TNFRSF8: variants seen among roughly 807,000 people sequenced by gnomAD.
The protein encoded by TNFRSF8 is TNF receptor superfamily member 8, also known as tumor necrosis factor receptor superfamily member 8.
In TNFRSF8, 26 loss-of-function variants were observed where a neutral mutation model predicts 70.8. The ratio of observed to expected loss-of-function variants is 0.37; its 90% CI spans 0.27 to 0.51. TNFRSF8 has a LOEUF of 0.51. Among genes scored for constraint, TNFRSF8 ranks in the 20% least tolerant of loss-of-function variants. The pLI is 0.94. For missense variants in TNFRSF8, 720 were observed against 807.9 expected (o/e 0.89, Z 1.32); for synonymous variants, 356 against 339.2 (o/e 1.05, Z -0.54).
intron 10 of TNFRSF8, among the ~76,000 whole-genome samples, chr1:12,124,161 C>T (rs1411175641): frequency 1.3e-5 from 2 of 152,070 alleles, no homozygotes; most frequent in South Asian, 2.1e-4. Flanking sequence ...CTTGCCACCA[C>T]GCCTGGCTAA....
chr1:12,109,652 T>C lies in TNFRSF8; in HGVS notation c.508T>C (p.Ser170Pro). The change falls in exon 5 of 15, where the codon TCC (serine) becomes CCC (proline). Residue 170 changes from serine to proline, a missense_variant. By Grantham distance (74) the Ser-to-Pro change is moderately conservative. Coordinates refer to ENST00000263932, the MANE Select transcript of TNFRSF8 (RefSeq NM_001243.5). This position sits in a 1 kb window ranked among gnomAD's most constrained non-coding sequence, Gnocchi z 4.4. ...CASPENCKEP[S>P]SGTIPQAKPT... The stretch of plus-strand genomic sequence containing the variant: ...CAGCCCAGAGAACTGCAAGGAACCC[T>C]CCAGGTGACTCCCTGGCTTTGCCTC... 6.2e-7 allele frequency: 1 copy of C among 1,613,200 alleles called. No individual in the cohort carries two copies. Among genetic ancestry groups the C allele is most frequent in the Non-Finnish European group, 8.5e-7 (1 of 1,179,616 alleles).
chr1:12,096,472 T>C (rs1641333136), intron 2 of TNFRSF8, among the ~76,000 whole-genome samples: 1 of 151,890 alleles, frequency 6.6e-6, no homozygotes, highest in Non-Finnish European at 1.5e-5. Flanking sequence ...TCATAATGTT[T>C]TAAGAAAGTT....
rs945524911 is a variant in TNFRSF8, at chr1:12,112,413, A to C, written c.793+399A>C. On this transcript the variant is annotated intron_variant, in intron 7 of 14. Transcript: ENST00000263932. This position sits in a 1 kb window ranked among gnomAD's most constrained non-coding sequence, Gnocchi z 5.3. ...TATTCTTTTTTTTTTTTTCCCAGAC[A>C]GGGTCTCACTCCTTCACCCAAGCTG... Among the ~76,000 whole-genome samples, 1 of 150,112 alleles carries C rather than the reference A, an allele frequency of 6.7e-6. No homozygotes were observed. Among genetic ancestry groups the C allele is most frequent in the African/African-American group, 2.5e-5 (1 of 40,660 alleles).
chr1:12,140,633 G>A (rs540512427), intron 14 of TNFRSF8, among the ~76,000 whole-genome samples: 65 of 152,238 alleles, frequency 4.3e-4, no homozygotes, highest in Non-Finnish European at 7.4e-4. Context: ...TTTCACTTCC[G>A]AGCTCAGTGG....
chr1:12,065,078 CTTTTTTTTTT>C (rs773549918), intron 1 of TNFRSF8, among the ~76,000 whole-genome samples: 1 of 88,262 alleles, frequency 1.1e-5, no homozygotes, highest in African/African-American at 5.1e-5. Context: ...CATACCAAAC[CTTTTTTTTTT>C]TTTTTTTTTT....
intron 3 of TNFRSF8, among the ~76,000 whole-genome samples, chr1:12,098,780 T>C (rs558875301): frequency 5.6e-4 from 85 of 152,328 alleles, no homozygotes; most frequent in African/African-American, 2.0e-3. Context: ...AGGCAAAATC[T>C]GCTTAGTTTG....
At position 12,144,004 on chromosome 1, in the gene TNFRSF8, A is replaced by G. The variant is rs2101057915; in HGVS notation, c.*1473A>G. 6.6e-6 allele frequency: 1 copy of G among 152,352 alleles called. No individual in the cohort carries two copies. Among genetic ancestry groups the G allele is most frequent in the South Asian group, 2.1e-4 (1 of 4,830 alleles). The allele number at this position is 152,352 out of a possible 1,614,324, so 9.4% of individuals were successfully genotyped here. A position where few individuals can be genotyped will look rare whatever the true frequency, so the allele number is the denominator to read the frequency against. ...GACACTGTTTGCCCAGTGTTTGTGC[A>G]AGGATGGAGTGGGTGTCTCTGCATC... On this transcript the variant is annotated 3_prime_UTR_variant, in exon 15 of 15. Transcript: ENST00000263932.
At chr1:12,123,437 G>C in intron 9 of TNFRSF8, 60 bp downstream of exon 9, 1 of 1,477,344 alleles carries the variant, frequency 6.8e-7, no homozygotes, top group South Asian at 1.2e-5. Context: ...TCCCTGCCAT[G>C]CCCAGGGGAT....
chr1:12,142,834 C>T lies in TNFRSF8; in HGVS notation c.*303C>T, dbSNP rs926917329. ...AAACAGATGGCAGGATGGGCACTGC[C>T]GAGAACAGCATTGGTCCCAGAGCCC... On this transcript the variant is annotated 3_prime_UTR_variant, in exon 15 of 15. Transcript: ENST00000263932. The surrounding 1 kb of genome is among the most constrained non-coding windows in gnomAD (Gnocchi z 5.0). 5.6e-5 allele frequency: 20 copies of T among 359,914 alleles called. No individual in the cohort carries two copies. Among genetic ancestry groups the T allele is most frequent in the Admixed American group, 1.7e-4 (4 of 23,628 alleles). The allele number at this position is 359,914 out of a possible 1,614,324, so 22.3% of individuals were successfully genotyped here.
intron 14 of TNFRSF8, among the ~76,000 whole-genome samples, chr1:12,140,102 C>T (rs999297747): frequency 6.6e-6 from 1 of 152,218 alleles, no homozygotes; most frequent in Admixed American, 6.5e-5. Flanking sequence ...CCTGGAATCC[C>T]AGGGGTGGGG....
At chr1:12,086,897 C>G (rs138183807) in intron 2 of TNFRSF8, among the ~76,000 whole-genome samples, 177 of 152,168 alleles carry the variant, frequency 1.2e-3, no homozygotes, top group African/African-American at 4.0e-3. Flanking sequence ...AAAGTCCTAT[C>G]TCCAAATACA....
intron 1 of TNFRSF8, among the ~76,000 whole-genome samples, chr1:12,067,607 T>C (rs1311571538): frequency 6.6e-6 from 1 of 151,816 alleles, no homozygotes; most frequent in Non-Finnish European, 1.5e-5. Flanking sequence ...GAGAATCGCT[T>C]GAAACCAGAA....
chr1:12,069,963 C>T (rs1640813399), intron 1 of TNFRSF8, among the ~76,000 whole-genome samples: 1 of 152,066 alleles, frequency 6.6e-6, no homozygotes. Flanking sequence ...GGGGTAAAAG[C>T]CCCAAGAGGC....
intron 8 of TNFRSF8, among the ~76,000 whole-genome samples, chr1:12,118,787 T>G (rs1641779433): frequency 6.6e-6 from 1 of 152,220 alleles, no homozygotes; most frequent in Non-Finnish European, 1.5e-5. Context: ...CAGTTAAGCC[T>G]TGCCAGCAGA....
chr1:12,125,976 G>C lies in TNFRSF8; in HGVS notation c.1179G>C (p.Leu393=), dbSNP rs376461041. ...DAGPVLFWVI[L]VLVVVVGSSA... ...GGCCAGTGCTCTTCTGGGTGATCCT[G>C]GTGTTGGTTGTGGTGGTCGGCTCCA... Residue 393 remains leucine, a synonymous_variant, in exon 11 of 15, where the codon CTG becomes CTC. Transcript: ENST00000263932. 1.2e-5 allele frequency: 19 copies of C among 1,614,072 alleles called. No homozygotes were observed. Among genetic ancestry groups the C allele is most frequent in the Admixed American group, 1.0e-4 (6 of 60,004 alleles).
chr1:12,070,816 G>T (rs1640828810), intron 1 of TNFRSF8, among the ~76,000 whole-genome samples: 1 of 152,154 alleles, frequency 6.6e-6, no homozygotes. Flanking sequence ...GTTCTATTTT[G>T]CCCATGCTCA....
intron 1 of TNFRSF8, among the ~76,000 whole-genome samples, chr1:12,064,869 C>G (rs1160779518): frequency 6.6e-6 from 1 of 152,038 alleles, no homozygotes; most frequent in African/African-American, 2.4e-5. Context: ...TTTGGAGTGC[C>G]AAGGTCTTGG....
Position 12,142,412 on chromosome 1 carries a change from A to AC in TNFRSF8, c.1675dup (p.His559ProfsTer46). ...GGAGGAGGAGCTGGAGGCGGACCAT[A>AC]CCCCCCACTACCCCGAGCAGGAGAC... On this transcript the variant is annotated frameshift_variant, in exon 15 of 15. Transcript: ENST00000263932. LOFTEE classifies it high-confidence loss of function. The surrounding 1 kb of genome is among the most constrained non-coding windows in gnomAD (Gnocchi z 5.0). The AC allele has an allele frequency of 1.2e-6, 2 of 1,610,466 alleles. No individual in the cohort carries two copies. The highest frequency in any genetic ancestry group is 1.7e-6 in the Non-Finnish European group (2 of 1,178,760).
At chr1:12,090,667 T>C (rs767503789) in intron 2 of TNFRSF8, among the ~76,000 whole-genome samples, 7 of 151,218 alleles carry the variant, frequency 4.6e-5, no homozygotes, top group Non-Finnish European at 1.0e-4. Context: ...TGTATTTGCA[T>C]TCTATCAGAC....
Sources: allele counts gnomAD v4.1 joint callset (sites outside exome capture counted in the v4.1 genomes callset), GRCh38; gene constraint gnomAD v4.1.1; non-coding constraint Gnocchi (gnomAD v3.1); transcripts MANE v1.5; gene names NCBI Gene and HGNC (gene_info 2026-07-23, HGNC 2026-07-21).